Variants in CHD7 observed in about 807,000 individuals in gnomAD.
CHD7 encodes the protein ATP-dependent chromatin remodeler CHD7.
A neutral mutation model predicts 307.3 loss-of-function variants in CHD7; 24 were observed. The observed-to-expected ratio is 0.08, with a 90% CI of 0.06 to 0.11. The LOEUF is 0.11. CHD7 is among the 10% of genes least tolerant of loss of function. CHD7 has a pLI of 1.00. For missense variants in CHD7, 3,106 were observed against 3,727.1 expected (o/e 0.83, Z 4.34); for synonymous variants, 1,363 against 1,349.9 (o/e 1.01, Z -0.21).
intron 15 of CHD7, among the ~76,000 whole-genome samples, chr8:60,835,646 G>GT (rs892853736): frequency 6.6e-6 from 1 of 152,208 alleles, no homozygotes; most frequent in African/African-American, 2.4e-5. Flanking sequence ...CTATTCCTTT[G>GT]TTTTTTCATT....
chr8:60,697,705 AGTCACCT>A (rs1262263503), intron 1 of CHD7, among the ~76,000 whole-genome samples: 3 of 152,386 alleles, frequency 2.0e-5, no homozygotes, highest in East Asian at 3.9e-4. Flanking sequence ...CTCAGTTTGC[AGTCACCT>A]GTATTTTTCA....
At chr8:60,715,082 A>G (rs1297782714) in intron 1 of CHD7, among the ~76,000 whole-genome samples, 1 of 152,220 alleles carries the variant, frequency 6.6e-6, no homozygotes, top group East Asian at 1.9e-4. Context: ...TCAGTGAGAA[A>G]TGTGATTGGA....
In CHD7 at chr8:60,853,642, G is replaced by A. The variant is rs59181511; in HGVS notation, c.6775+142G>A. 1.6e-3 allele frequency: 999 copies of A among 637,652 alleles called. 7 individuals are homozygous for A. The African/African-American group carries it at 0.017, about 11-fold the overall frequency. 39.5% of individuals were successfully genotyped at this position (637,652 alleles called of 1,614,324 possible). A position where few individuals can be genotyped will look rare whatever the true frequency, so the allele number is the denominator to read the frequency against. Reference sequence around the variant, plus strand: ...CTGTGAAGGGATAATTTCAAGTTATGCTTATATCTGTGTTTTGCTCTCGCA... The same window carrying A: ...CTGTGAAGGGATAATTTCAAGTTATACTTATATCTGTGTTTTGCTCTCGCA... On this transcript the variant is annotated intron_variant, in intron 31 of 37. Transcript: ENST00000423902.
At chr8:60,797,647 G>T (rs1416615996) in intron 4 of CHD7, among the ~76,000 whole-genome samples, 2 of 152,178 alleles carry the variant, frequency 1.3e-5, no homozygotes, top group East Asian at 3.8e-4. Context: ...CTTCTTACTG[G>T]AATGGTATAA....
intron 1 of CHD7, among the ~76,000 whole-genome samples, chr8:60,722,989 T>C (rs1417509469): frequency 2.6e-5 from 4 of 152,268 alleles, no homozygotes; most frequent in Non-Finnish European, 5.9e-5. Flanking sequence ...TATTGGTCTA[T>C]CTTGCACTTT....
At chr8:60,785,679 T>C (rs1794130063) in intron 3 of CHD7, among the ~76,000 whole-genome samples, 1 of 152,254 alleles carries the variant, frequency 6.6e-6, no homozygotes, top group Admixed American at 6.5e-5. Flanking sequence ...CTCTTGTATA[T>C]GTAAAATTTC....
rs1353643382 is a variant in CHD7 at position 60,800,266 on chromosome 8, T to C, written c.2239-122T>C. Reference sequence around the variant, plus strand: ...CCAGGATGGTCTCGATCTCCTGACCTTGTGATCCGCCCGCCTCGGCCTCCC... The same window carrying C: ...CCAGGATGGTCTCGATCTCCTGACCCTGTGATCCGCCCGCCTCGGCCTCCC... On this transcript the variant is annotated intron_variant, in intron 4 of 37. Transcript: ENST00000423902. 3 of 845,784 alleles carry C rather than the reference T, an allele frequency of 3.5e-6. No homozygotes were observed. In the African/African-American group the frequency reaches 5.2e-5, roughly 15 times the overall value. The allele number at this position is 845,784 out of a possible 1,614,324, so 52.4% of individuals were successfully genotyped here.
chr8:60,860,941 T>G lies in CHD7; in HGVS notation c.7646T>G (p.Ile2549Arg). The change falls in exon 35 of 38, where the codon ATA (isoleucine) becomes AGA (arginine). Residue 2549 changes from isoleucine (I) to arginine (R), a missense_variant. Physicochemically the swap from Ile to Arg is moderately conservative, Grantham distance 97 (BLOSUM62 -3). Around this residue, in one of 10 missense-constraint regions of CHD7, gnomAD observed 1,030 missense variants for 1,165.4 expected, o/e 0.88. Coordinates refer to ENST00000423902, the MANE Select transcript of CHD7 (RefSeq NM_017780.4). ...AEVTKAFEED[I>R]ETPPTRNIPS... ...GTGACCAAAGCTTTTGAAGAAGATA[T>G]AGAGACCCCACCAACAAGAAACATT... 6.2e-7 allele frequency: 1 copy of G among 1,613,936 alleles called. No individual in the cohort carries two copies. The highest frequency in any genetic ancestry group is 8.5e-7 in the Non-Finnish European group (1 of 1,179,872).
At chr8:60,685,357 G>T (rs1485422063) in intron 1 of CHD7, among the ~76,000 whole-genome samples, 4 of 152,216 alleles carry the variant, frequency 2.6e-5, no homozygotes, top group African/African-American at 9.6e-5. Flanking sequence ...TTACTTGCCT[G>T]ATACATAGCA....
At chr8:60,864,900 G>A in intron 37 of CHD7, 116 bp from the exon 38 acceptor site, 1 of 991,406 alleles carries the variant, frequency 1.0e-6, no homozygotes, top group Non-Finnish European at 1.5e-6. Flanking sequence ...TGTTAGGAGG[G>A]AAGAACTACT....
intron 1 of CHD7, among the ~76,000 whole-genome samples, chr8:60,735,999 A>G (rs1457234530): frequency 6.6e-6 from 1 of 152,228 alleles, no homozygotes; most frequent in Non-Finnish European, 1.5e-5. Context: ...GCACCGTCAT[A>G]GAGTATTGGC....
At chr8:60,861,153 A>G (rs762225783) in intron 35 of CHD7, 28 bp downstream of exon 35, 61 of 1,528,810 alleles carry the variant, frequency 4.0e-5, no homozygotes, top group Non-Finnish European at 5.3e-5. Context: ...TAGAGTTGGA[A>G]GGAATCTTGC....
chr8:60,751,723 G>A (rs1309278966), intron 2 of CHD7, among the ~76,000 whole-genome samples: 1 of 152,214 alleles, frequency 6.6e-6, no homozygotes, highest in East Asian at 1.9e-4. Flanking sequence ...TTCACTTAGT[G>A]TAAAAAATGG....
rs76699228 is a variant in CHD7, at chr8:60,707,495, C to T, written c.-175+28413C>T. 8.9e-4 allele frequency among the ~76,000 whole-genome samples: 136 copies of T among 152,328 alleles called. 2 individuals carry two copies. The highest frequency in any genetic ancestry group is 3.2e-3 in the African/African-American group (131 of 41,554). On this transcript the variant is annotated intron_variant, in intron 1 of 37. Coordinates refer to ENST00000423902, the MANE Select transcript of CHD7 (RefSeq NM_017780.4). Reference sequence around the variant, plus strand: ...CTTAATGTAACTGATAGCTCATTTACTTACTAATGGATTGGATAAATAAAA... The same window carrying T: ...CTTAATGTAACTGATAGCTCATTTATTTACTAATGGATTGGATAAATAAAA...
At chr8:60,776,259 T>A (rs1810945527) in intron 2 of CHD7, among the ~76,000 whole-genome samples, 1 of 152,250 alleles carries the variant, frequency 6.6e-6, no homozygotes, top group Non-Finnish European at 1.5e-5. Flanking sequence ...CTCAGGGCCC[T>A]GAATTCATTA....
intron 1 of CHD7, among the ~76,000 whole-genome samples, chr8:60,686,320 A>T (rs1805886301): frequency 6.6e-6 from 1 of 150,522 alleles, no homozygotes; most frequent in South Asian, 2.1e-4. Flanking sequence ...TATATCTAAT[A>T]CTATTTCTTC....
chr8:60,777,634 G>A lies in CHD7; in HGVS notation c.1666-3366G>A, dbSNP rs1393585983. 1.3e-4 allele frequency among the ~76,000 whole-genome samples: 20 copies of A among 152,116 alleles called. 1 individual carries two copies. Among genetic ancestry groups the A allele is most frequent in the Admixed American group, 4.6e-4 (7 of 15,276 alleles). ...AAATTTGCATCTTGTCCATTCTGCTGTTTTATATACGATAATTTAGTTGTA... is the reference window on the plus strand; with the variant it reads ...AAATTTGCATCTTGTCCATTCTGCTATTTTATATACGATAATTTAGTTGTA... On this transcript the variant is annotated intron_variant, in intron 2 of 37. Transcript: ENST00000423902.
At chr8:60,689,563 CTT>C (rs1806091780) in intron 1 of CHD7, among the ~76,000 whole-genome samples, 1 of 152,204 alleles carries the variant, frequency 6.6e-6, no homozygotes, top group African/African-American at 2.4e-5. Flanking sequence ...GCAGAAATTG[CTT>C]TGGATAGTCC....
At position 60,822,766 on chromosome 8, in the gene CHD7, A is replaced by C. The variant is rs751912715; in HGVS notation, c.3201+20A>C. The C allele has an allele frequency of 6.3e-7, 1 of 1,594,352 alleles. No homozygotes were observed. Among genetic ancestry groups the C allele is most frequent in the Non-Finnish European group, 8.6e-7 (1 of 1,167,230 alleles). ...CCCCAGGTAAACCTTCACAGGTTGT[A>C]TTCTTTGTACTTACTCTGTGCATTT... On this transcript the variant is annotated intron_variant, in intron 12 of 37. Transcript: ENST00000423902.
Sources: allele counts gnomAD v4.1 joint callset (sites outside exome capture counted in the v4.1 genomes callset), GRCh38; gene constraint gnomAD v4.1.1; regional missense constraint gnomAD v4.1.1; transcripts MANE v1.5; gene names NCBI Gene and HGNC (gene_info 2026-07-23, HGNC 2026-07-21).